Variants in CORO7 observed in about 807,000 individuals in gnomAD.
The protein encoded by CORO7 is coronin 7, also known as coronin-7.
In CORO7, 107 loss-of-function variants were observed where a neutral mutation model predicts 126.6. The ratio of observed to expected loss-of-function variants is 0.85; its 90% CI spans 0.72 to 0.99. The LOEUF (loss-of-function observed/expected upper bound fraction) is 0.99. CORO7 is among the 50% of genes least tolerant of loss of function. The pLI is 0.00. For synonymous variants in CORO7, 603 were observed against 536.8 expected (o/e 1.12, Z -1.70); for missense variants, 1,314 against 1,255.8 (o/e 1.05, Z -0.70).
At chr16:4,359,943 C>T (rs1384291977) in intron 21 of CORO7, among the ~76,000 whole-genome samples, 1 of 136,956 alleles carries the variant, frequency 7.3e-6, no homozygotes, top group Non-Finnish European at 1.6e-5. Context: ...CCCCACTACC[C>T]CCAAAACATC....
At chr16:4,400,809 T>TAATAATAAC (rs2055772184) in intron 6 of CORO7, among the ~76,000 whole-genome samples, 1 of 147,752 alleles carries the variant, frequency 6.8e-6, no homozygotes, top group Non-Finnish European at 1.5e-5. Context: ...ATAATAATAA[T>TAATAATAAC]AATAATAATA....
intron 16 of CORO7, 86 bp from the exon 17 acceptor site, chr16:4,361,555 G>C: frequency 1.4e-6 from 2 of 1,469,770 alleles, no homozygotes; most frequent in Non-Finnish European, 1.9e-6. Flanking sequence ...AGCATGTCTG[G>C]GAGCCCACCC....
In CORO7 at chr16:4,412,516, C is replaced by T. The variant is rs923644340; in HGVS notation, c.158-86G>A. ...CAGGGATCCCAGAGATGAAATCCAG[C>T]AGCTCAGCCTCGGACCTTCCCAGAG... On this transcript the variant is annotated intron_variant, in intron 2 of 27. Coordinates refer to ENST00000251166, the MANE Select transcript of CORO7 (RefSeq NM_024535.5). 9.6e-6 allele frequency: 14 copies of T among 1,450,962 alleles called. No individual in the cohort carries two copies. In the African/African-American group the frequency reaches 1.7e-4, roughly 17 times the overall value. The allele number at this position is 1,450,962 out of a possible 1,614,324, so 89.9% of individuals were successfully genotyped here. A position where few individuals can be genotyped will look rare whatever the true frequency, so the allele number is the denominator to read the frequency against.
At chr16:4,397,929 G>A (rs1398319379) in intron 6 of CORO7, among the ~76,000 whole-genome samples, 1 of 149,300 alleles carries the variant, frequency 6.7e-6, no homozygotes, top group Non-Finnish European at 1.5e-5. Flanking sequence ...TTGTTTGTTT[G>A]TTTTTGAGAC....
At chr16:4,404,827 T>C (rs1054776573) in intron 6 of CORO7, among the ~76,000 whole-genome samples, 6 of 151,914 alleles carry the variant, frequency 3.9e-5, no homozygotes, top group Admixed American at 6.6e-5. Context: ...ACACTGCCCC[T>C]CCTGCCACAC....
chr16:4,380,548 C>CT (rs1020238033), intron 9 of CORO7, among the ~76,000 whole-genome samples: 17 of 152,212 alleles, frequency 1.1e-4, no homozygotes, highest in African/African-American at 3.9e-4. Flanking sequence ...TGGTCCATCT[C>CT]TGAGGCAGGG....
In CORO7 at chr16:4,382,108, C is replaced by T. The variant is rs755051841; in HGVS notation, c.785+5878G>A. The T allele has an allele frequency of 2.3e-5, 37 of 1,585,554 alleles. No individual in the cohort carries two copies. In the South Asian group the frequency reaches 4.2e-4, roughly 18 times the overall value. On this transcript the variant is annotated intron_variant, in intron 9 of 27. Coordinates refer to ENST00000251166, the MANE Select transcript of CORO7 (RefSeq NM_024535.5). ...TGTCCCCCAGCCCCAGGACTGCCCA[C>T]CGTCCACCTGCCTCAATGGGGGCAC...
intron 9 of CORO7, among the ~76,000 whole-genome samples, chr16:4,374,548 C>G (rs913084250): frequency 5.9e-5 from 9 of 152,286 alleles, no homozygotes; most frequent in African/African-American, 2.2e-4. Context: ...CCGGCCTACA[C>G]CGGGAAGGGG....
chr16:4,358,231 C>A (rs1027806516), intron 24 of CORO7, 128 bp from the exon 25 acceptor site: 33 of 1,532,326 alleles, frequency 2.2e-5, no homozygotes, highest in Non-Finnish European at 2.8e-5. Flanking sequence ...TGAGTTTCAG[C>A]ATCTCAGCAG....
intron 9 of CORO7, among the ~76,000 whole-genome samples, chr16:4,373,164 C>T (rs2054594734): frequency 6.6e-6 from 1 of 152,094 alleles, no homozygotes; most frequent in African/African-American, 2.4e-5. Flanking sequence ...GGAGCAGTCC[C>T]CTGAGTTTAC....
chr16:4,379,643 C>T (rs1052836646), intron 9 of CORO7, among the ~76,000 whole-genome samples: 4 of 152,176 alleles, frequency 2.6e-5, no homozygotes, highest in East Asian at 3.9e-4. Context: ...AGTGTTCCTT[C>T]GTCCTTCCCA....
At position 4,397,030 on chromosome 16, in the gene CORO7, AG is replaced by A. The variant is rs199875784; in HGVS notation, c.565-1692del. Among the ~76,000 whole-genome samples the A allele has an allele frequency of 3.3e-3, 475 of 142,920 alleles. 18 individuals carry two copies. The highest frequency in any genetic ancestry group is 9.4e-3 in the African/African-American group (362 of 38,312). 93.8% of individuals were successfully genotyped at this position (142,920 alleles called of 152,430 possible). On this transcript the variant is annotated intron_variant, in intron 6 of 27. Transcript: ENST00000251166. ...GACTCAATCTCAAAAAAAAAAAAAA[AG>A]AAAGAAAGAAAGAAAAACAACATCA...
intron 9 of CORO7, among the ~76,000 whole-genome samples, chr16:4,385,526 C>T (rs1357801216): frequency 2.6e-5 from 4 of 152,202 alleles, no homozygotes; most frequent in African/African-American, 7.2e-5. Flanking sequence ...TCTCCAAGAC[C>T]AAAGCATGAG....
intron 6 of CORO7, among the ~76,000 whole-genome samples, chr16:4,396,310 C>T (rs1314319948): frequency 1.3e-5 from 2 of 152,126 alleles, no homozygotes; most frequent in Non-Finnish European, 2.9e-5. Flanking sequence ...AACTCCTGAC[C>T]TCAGGTGATC....
At chr16:4,392,744 C>T (rs1274488012) in intron 7 of CORO7, among the ~76,000 whole-genome samples, 1 of 152,226 alleles carries the variant, frequency 6.6e-6, no homozygotes, top group African/African-American at 2.4e-5. Context: ...CTGCCAGCAG[C>T]GGTTTTCCTA....
At chr16:4,381,220 A>G (rs759124685) in intron 9 of CORO7, 2 of 1,612,262 alleles carry the variant, frequency 1.2e-6, no homozygotes, top group Admixed American at 3.3e-5. Context: ...GCTGCATGAA[A>G]TCACCAATGA....
Position 4,400,647 on chromosome 16 carries a change from AAAAC to A in CORO7, c.564+4840_564+4843del, listed in dbSNP as rs551436344. ...AGACTCTGTCTCAAAAACAAAAACAAAAACAAAAACAAAAAAACAAAAAGTAGCC... is the reference window on the plus strand; with the variant it reads ...AGACTCTGTCTCAAAAACAAAAACAAAAAAACAAAAAAACAAAAAGTAGCC... On this transcript the variant is annotated intron_variant, in intron 6 of 27. Transcript: ENST00000251166. Among the ~76,000 whole-genome samples the A allele has an allele frequency of 2.9e-3, 435 of 148,618 alleles. 1 individual carries two copies. Among genetic ancestry groups the A allele is most frequent in the African/African-American group, 0.011 (418 of 38,984 alleles).
intron 1 of CORO7, among the ~76,000 whole-genome samples, chr16:4,416,244 G>A (rs1567311376): frequency 6.6e-6 from 1 of 152,154 alleles, no homozygotes; most frequent in Admixed American, 6.5e-5. Flanking sequence ...GGGTCACCGA[G>A]CGCCAGAGCG....
rs2056420551 is a variant in CORO7 at position 4,416,573 on chromosome 16, G to A, written c.-55C>T. ...CGAGGACCCCGGGCGTCGGGTCTCA[G>A]GTGCACGCTGAGCAACCGCGACTCC... is the stretch of plus-strand genomic sequence containing the variant. On this transcript the variant is annotated 5_prime_UTR_variant, in exon 1 of 28. Coordinates refer to ENST00000251166, the MANE Select transcript of CORO7 (RefSeq NM_024535.5). The A allele has an allele frequency of 8.3e-6, 13 of 1,558,684 alleles. No homozygotes were observed. In the Admixed American group the frequency reaches 1.2e-4, roughly 14 times the overall value.
Sources: allele counts gnomAD v4.1 joint callset (sites outside exome capture counted in the v4.1 genomes callset), GRCh38; gene constraint gnomAD v4.1.1; transcripts MANE v1.5; gene names NCBI Gene and HGNC (gene_info 2026-07-23, HGNC 2026-07-21).